The following PTPRK variants were observed in gnomAD, a reference collection of about 807,000 sequenced individuals.
PTPRK encodes receptor-type tyrosine-protein phosphatase kappa.
In PTPRK, 75 loss-of-function variants were observed where a neutral mutation model predicts 178.0. That is an observed-to-expected ratio of 0.42 (90% CI 0.35 to 0.51). The LOEUF is 0.51. Ranked by LOEUF, PTPRK falls within the 20% of genes least tolerant of loss-of-function variation. The pLI is 0.02. For missense variants in PTPRK, 1,441 were observed against 1,797.8 expected, an observed-to-expected ratio of 0.80 and a Z score of 3.59; for synonymous variants, 637 against 620.6, an observed-to-expected ratio of 1.03 and a Z score of -0.39.
intron 7 of PTPRK, among the ~76,000 whole-genome samples, chr6:128,167,163 T>A (rs1228737355): frequency 4.0e-5 from 6 of 151,202 alleles, no homozygotes; most frequent in African/African-American, 1.5e-4. Flanking sequence ...GAAAAAAAAA[T>A]ATTTTAACTG....
intron 3 of PTPRK, among the ~76,000 whole-genome samples, chr6:128,271,699 G>A (rs73594681): frequency 0.037 from 5,648 of 152,034 alleles, 343 homozygotes; most frequent in African/African-American, 0.13. Context: ...CTTTGAAGGA[G>A]TCATTAGTCA....
At chr6:128,191,550 T>C (rs1247008059) in intron 6 of PTPRK, among the ~76,000 whole-genome samples, 1 of 151,918 alleles carries the variant, frequency 6.6e-6, no homozygotes, top group Non-Finnish European at 1.5e-5. Context: ...TATTTCAACA[T>C]TTCTATGAGA....
intron 7 of PTPRK, among the ~76,000 whole-genome samples, chr6:128,096,873 TAAAA>T (rs1357696241): frequency 6.6e-6 from 1 of 152,062 alleles, no homozygotes; most frequent in African/African-American, 2.4e-5. Flanking sequence ...AATAAAAAAA[TAAAA>T]ATAAAAGCAA....
chr6:128,000,289 C>CA, intron 15 of PTPRK: 2 of 1,286,898 alleles, frequency 1.6e-6, no homozygotes, highest in Admixed American at 2.5e-5. Flanking sequence ...TAGGATATAG[C>CA]AAAAAATGAA....
chr6:128,247,805 T>C (rs1815755770), intron 3 of PTPRK, among the ~76,000 whole-genome samples: 1 of 152,154 alleles, frequency 6.6e-6, no homozygotes, highest in African/African-American at 2.4e-5. Flanking sequence ...AAAATAGCCA[T>C]AAAAGACACA....
chr6:128,331,146 A>G (rs1057369822), intron 2 of PTPRK, among the ~76,000 whole-genome samples: 32 of 152,082 alleles, frequency 2.1e-4, no homozygotes, highest in African/African-American at 7.5e-4. Context: ...AAAAGTTGGG[A>G]TTTCATGTAT....
rs966309217 is a variant in PTPRK at position 128,520,594 on chromosome 6, G to C, written c.-236C>G. ...TCCATGCTCGGCGGAGGCTGCTCCT[G>C]TTAGTCAAGAGTTACTTTGCTCGGG... On this transcript the variant is annotated 5_prime_UTR_variant, in exon 1 of 30. Transcript: ENST00000368226. The C allele has an allele frequency of 3.9e-6, 2 of 513,342 alleles. No homozygotes were observed. The highest frequency in any genetic ancestry group is 3.2e-5 in the Admixed American group (1 of 30,792). 31.8% of individuals were successfully genotyped at this position (513,342 alleles called of 1,614,324 possible).
rs201848981 is a variant in PTPRK at position 127,998,872 on chromosome 6, G to A, written c.2527C>T (p.Arg843Cys). Residue 843 changes from arginine to cysteine, a missense_variant, in exon 16 of 30, where the codon CGC becomes TGC. Physicochemically the swap from Arg to Cys is radical, Grantham distance 180. Coordinates refer to ENST00000368226, the MANE Select transcript of PTPRK (RefSeq NM_002844.4). ...ENHSATAESS[R>C]LLDVPRYLCE... ...AGGTAGCGAGGTACGTCTAGAAGGC[G>A]ACTGGACTCTGCTGTAGCACTGTGG... 3.8e-5 allele frequency: 61 copies of A among 1,587,040 alleles called. No individual in the cohort carries two copies. Among genetic ancestry groups the A allele is most frequent in the South Asian group, 1.3e-4 (11 of 87,872 alleles).
intron 2 of PTPRK, among the ~76,000 whole-genome samples, chr6:128,367,850 C>T (rs953587830): frequency 6.6e-6 from 1 of 152,094 alleles, no homozygotes; most frequent in African/African-American, 2.4e-5. Flanking sequence ...ATAAAAATTA[C>T]AAAGTAATGT....
intron 1 of PTPRK, among the ~76,000 whole-genome samples, chr6:128,428,759 T>C (rs1844479163): frequency 6.6e-6 from 1 of 152,224 alleles, no homozygotes. Context: ...ATTTTTCTAC[T>C]TAACAATGGT....
rs4895829 is a variant in PTPRK, at chr6:128,057,948, C to T, written c.2194+6810G>A. Among the ~76,000 whole-genome samples the T allele has an allele frequency of 2.0e-5, 3 of 152,238 alleles. No homozygotes were observed. In the East Asian group the frequency reaches 5.8e-4, roughly 29 times the overall value. ...TAAAGTGTATATTCTTTGTTGTCTG[C>T]CTTTTACTCAAATAATGTTGGTTAT... On this transcript the variant is annotated intron_variant, in intron 13 of 29. Transcript: ENST00000368226.
At chr6:128,038,427 C>T (rs1031886581) in intron 13 of PTPRK, among the ~76,000 whole-genome samples, 5 of 151,848 alleles carry the variant, frequency 3.3e-5, no homozygotes, top group East Asian at 1.9e-4. Flanking sequence ...ATTTGTATGG[C>T]TGTTACATAT....
intron 16 of PTPRK, among the ~76,000 whole-genome samples, chr6:127,998,425 A>G (rs1481165938): frequency 6.6e-6 from 1 of 152,044 alleles, no homozygotes; most frequent in Non-Finnish European, 1.5e-5. Flanking sequence ...TGATTTTTGC[A>G]TGGGGAGATA....
At chr6:127,973,980 A>G (rs1170585792) in intron 27 of PTPRK, among the ~76,000 whole-genome samples, 153 bp from the exon 28 acceptor site, 1 of 152,210 alleles carries the variant, frequency 6.6e-6, no homozygotes, top group Non-Finnish European at 1.5e-5. Flanking sequence ...GTAAAAAAAC[A>G]TTCTAAGTGA....
chr6:128,367,845 A>C (rs995042776), intron 2 of PTPRK, among the ~76,000 whole-genome samples: 10 of 152,164 alleles, frequency 6.6e-5, no homozygotes, highest in African/African-American at 1.9e-4. Flanking sequence ...CTACTATAAA[A>C]ATTACAAAGT....
intron 7 of PTPRK, among the ~76,000 whole-genome samples, chr6:128,127,547 C>A (rs1793579456): frequency 6.6e-6 from 1 of 152,214 alleles, no homozygotes. Flanking sequence ...AACAGCGATG[C>A]AATGTCTTGT....
At chr6:128,128,992 A>G (rs1469317194) in intron 7 of PTPRK, among the ~76,000 whole-genome samples, 1 of 152,222 alleles carries the variant, frequency 6.6e-6, no homozygotes, top group Non-Finnish European at 1.5e-5. Flanking sequence ...TTGAAAAGTA[A>G]GGCCTAAACA....
intron 6 of PTPRK, among the ~76,000 whole-genome samples, chr6:128,209,034 T>C (rs1237536354): frequency 6.6e-6 from 1 of 152,090 alleles, no homozygotes; most frequent in South Asian, 2.1e-4. Flanking sequence ...TTTAACAACA[T>C]TGCTGCCTAA....
intron 15 of PTPRK, among the ~76,000 whole-genome samples, chr6:128,003,909 G>C (rs1287968270): frequency 6.6e-6 from 1 of 151,756 alleles, no homozygotes; most frequent in East Asian, 1.9e-4. Flanking sequence ...AATGACTCAT[G>C]TATAGCATCC....
Sources: gnomAD v4.1 joint callset for allele counts (sites outside exome capture counted in the v4.1 genomes callset) on GRCh38, gnomAD v4.1.1 for gene constraint, MANE v1.5 for transcripts, NCBI Gene and HGNC (gene_info 2026-07-23, HGNC 2026-07-21) for gene names.